The following GATA2 variants were observed in gnomAD, a reference collection of about 807,000 sequenced individuals.
The protein encoded by GATA2 is GATA binding protein 2, also known as endothelial transcription factor GATA-2.
GATA2 carries 6 observed loss-of-function variants against 35.7 expected under a neutral mutation model. The observed-to-expected ratio is 0.17, with a 90% CI of 0.09 to 0.33. The LOEUF (loss-of-function observed/expected upper bound fraction) is 0.33, where lower values mean the gene tolerates loss of function less well. Ranked by LOEUF, GATA2 falls within the 10% of genes least tolerant of loss-of-function variation. The pLI is 1.00. For missense variants in GATA2, 541 were observed against 656.6 expected, an observed-to-expected ratio of 0.82 and a Z score of 1.92; for synonymous variants, 313 against 274.9, an observed-to-expected ratio of 1.14 and a Z score of -1.37.
At chr3:128,487,158 C>A in intron 1 of GATA2, 82 bp from the exon 2 acceptor site, 1 of 748,558 alleles carries the variant, frequency 1.3e-6, no homozygotes, top group Non-Finnish European at 2.1e-6. Context: ...CCGCACGCCA[C>A]GGAGCCCCAG....
rs2068611243 is a variant in GATA2, at chr3:128,480,516, A to G, written c.*503T>C. The stretch of plus-strand genomic sequence containing the variant: ...GCTCAGCCCAGCCTGGAGTTCGGCT[A>G]TTTCAGAGAGGGAAGCCAGAGGAGA... On this transcript the variant is annotated 3_prime_UTR_variant, in exon 6 of 6. Coordinates refer to ENST00000341105, the MANE Select transcript of GATA2 (RefSeq NM_032638.5). The G allele has an allele frequency of 1.2e-5, 3 of 243,290 alleles. No individual in the cohort carries two copies. Among genetic ancestry groups the G allele is most frequent in the East Asian group, 5.8e-5 (1 of 17,316 alleles). 15.1% of individuals were successfully genotyped at this position (243,290 alleles called of 1,614,324 possible).
intron 2 of GATA2, 59 bp downstream of exon 2, chr3:128,486,744 C>G: frequency 1.4e-6 from 2 of 1,480,650 alleles, no homozygotes; most frequent in Non-Finnish European, 1.8e-6. Context: ...GGGCCCTCCT[C>G]CCCTCCCTCG....
At chr3:128,486,682 AT>A in intron 2 of GATA2, 120 bp downstream of exon 2, 1 of 1,107,000 alleles carries the variant, frequency 9.0e-7, no homozygotes, top group Non-Finnish European at 1.3e-6. Flanking sequence ...TCCCGCCCCA[AT>A]TTTTCAGCAG....
In GATA2 at chr3:128,483,334, G is replaced by T. The variant is rs1051590739; in HGVS notation, c.1017+526C>A. 2.6e-5 allele frequency among the ~76,000 whole-genome samples: 4 copies of T among 152,100 alleles called. No homozygotes were observed. Among genetic ancestry groups the T allele is most frequent in the African/African-American group, 7.2e-5 (3 of 41,412 alleles). On this transcript the variant is annotated intron_variant, in intron 4 of 5. Transcript: ENST00000341105. The stretch of plus-strand genomic sequence containing the variant: ...CCTTATCTTCAGGCTGCAGATGTCC[G>T]GATAGGAAACTCCGGCAGGAGATCC...
At chr3:128,485,348 G>A (rs1203771213) in intron 3 of GATA2, among the ~76,000 whole-genome samples, 2 of 152,056 alleles carry the variant, frequency 1.3e-5, no homozygotes, top group Non-Finnish European at 2.9e-5. Context: ...ATGCACACAC[G>A]CTCCCAAACA....
At chr3:128,485,384 C>G (rs190981302) in intron 3 of GATA2, among the ~76,000 whole-genome samples, 1 of 152,130 alleles carries the variant, frequency 6.6e-6, no homozygotes, top group Non-Finnish European at 1.5e-5. Context: ...TCACTTCCCT[C>G]GCTTCACATA....
rs2107673691 is a variant in GATA2, at chr3:128,486,975, C to A, written c.57G>T (p.Ala19=). The A allele has an allele frequency of 1.2e-6, 2 of 1,610,586 alleles. No individual in the cohort carries two copies. The highest frequency in any genetic ancestry group is 1.7e-6 in the Non-Finnish European group (2 of 1,178,528). ...RWMAHPAVLN[A]QHPDSHHPGL... ...CCGGGTGGTGTGAGTCGGGGTGCTG[C>A]GCATTCAGCACGGCCGGGTGCGCCA... The change falls in exon 2 of 6, where the codon GCG becomes GCT. Residue 19 remains alanine (A), a synonymous_variant. Transcript: ENST00000341105.
chr3:128,490,543 G>A (rs1210489359), intron 1 of GATA2: 4 of 152,246 alleles, frequency 2.6e-5, no homozygotes, highest in African/African-American at 9.6e-5. Context: ...CGTAGGATGC[G>A]GGACTGCTGC....
At chr3:128,484,946 C>T (rs1484512859) in intron 3 of GATA2, among the ~76,000 whole-genome samples, 1 of 152,202 alleles carries the variant, frequency 6.6e-6, no homozygotes, top group Admixed American at 6.5e-5. Context: ...TAAAAACCTT[C>T]CCCCTCTGTG....
intron 1 of GATA2, chr3:128,489,291 G>A (rs2068745310): frequency 6.6e-6 from 1 of 152,346 alleles, no homozygotes. Flanking sequence ...CAGCTCCGCG[G>A]GCGCGCCCCC....
chr3:128,482,679 T>TA (rs911662917), intron 4 of GATA2, among the ~76,000 whole-genome samples: 11 of 152,074 alleles, frequency 7.2e-5, no homozygotes, highest in Non-Finnish European at 1.5e-4. Flanking sequence ...CTTAGAGCTT[T>TA]AACCACCCCG....
chr3:128,481,796 T>C (rs769094246), intron 5 of GATA2, 23 bp downstream of exon 5: 1 of 1,597,154 alleles, frequency 6.3e-7, no homozygotes, highest in Admixed American at 1.7e-5. Flanking sequence ...AGGGGCGGGG[T>C]GGCCGGGGCG....
intron 1 of GATA2, among the ~76,000 whole-genome samples, chr3:128,487,525 C>T (rs2068719199): frequency 6.6e-6 from 1 of 152,158 alleles, no homozygotes; most frequent in Non-Finnish European, 1.5e-5. Context: ...ACATACTGAT[C>T]TCAACCCCGA....
chr3:128,491,435 C>T (rs986098563), intron 1 of GATA2, among the ~76,000 whole-genome samples: 2 of 152,166 alleles, frequency 1.3e-5, no homozygotes, highest in African/African-American at 4.8e-5. Context: ...GCCTCCCAGC[C>T]CCACACTGGC....
At position 128,481,813 on chromosome 3, in the gene GATA2, A is replaced by G; in HGVS notation, c.1143+6T>C. The G allele has an allele frequency of 6.2e-7, 1 of 1,612,332 alleles. No homozygotes were observed. The highest frequency in any genetic ancestry group is 8.5e-7 in the Non-Finnish European group (1 of 1,179,036). On this transcript the variant is annotated splice_donor_region_variant and intron_variant, in intron 5 of 5. Coordinates refer to ENST00000341105, the MANE Select transcript of GATA2 (RefSeq NM_032638.5). ...GGGCGGGGTGGCCGGGGCGGGGCGC[A>G]CTCACATTGTGCAGCTTGTAGTAGA... is the stretch of plus-strand genomic sequence containing the variant.
intron 2 of GATA2, 87 bp from the exon 3 acceptor site, chr3:128,486,455 C>T: frequency 1.3e-6 from 2 of 1,492,672 alleles, no homozygotes; most frequent in Non-Finnish European, 1.8e-6. Context: ...ATTGAGATCA[C>T]GACTCCCAGA....
intron 3 of GATA2, 41 bp from the exon 4 acceptor site, chr3:128,484,046 G>A (rs186952539): frequency 6.9e-6 from 11 of 1,603,706 alleles, no homozygotes; most frequent in Admixed American, 5.0e-5. Context: ...CTGCTTAACC[G>A]GCAAGTTCTC....
In GATA2 at chr3:128,479,909, C is replaced by A. The variant is rs539947011; in HGVS notation, c.*1110G>T. 1.7e-5 allele frequency: 4 copies of A among 232,862 alleles called. No homozygotes were observed. The highest frequency in any genetic ancestry group is 3.6e-4 in the South Asian group (2 of 5,528). The allele number at this position is 232,862 out of a possible 1,614,324, so 14.4% of individuals were successfully genotyped here. A position where few individuals can be genotyped will look rare whatever the true frequency, so the allele number is the denominator to read the frequency against. On this transcript the variant is annotated 3_prime_UTR_variant, in exon 6 of 6. Transcript: ENST00000341105. ...ACCTGCCCCCAACTCCTGCCTTCACCCCCTGCCAGGCCAGCAAATGCCAAC... is the reference window on the plus strand; with the variant it reads ...ACCTGCCCCCAACTCCTGCCTTCACACCCTGCCAGGCCAGCAAATGCCAAC...
chr3:128,485,245 A>AT (rs377401729), intron 3 of GATA2, among the ~76,000 whole-genome samples: 1 of 152,302 alleles, frequency 6.6e-6, no homozygotes, highest in African/African-American at 2.4e-5. Flanking sequence ...GATCAGACTG[A>AT]TTGAGTTAGA....
Sources: allele counts gnomAD v4.1 joint callset (sites outside exome capture counted in the v4.1 genomes callset), GRCh38; gene constraint gnomAD v4.1.1; transcripts MANE v1.5; gene names NCBI Gene and HGNC (gene_info 2026-07-23, HGNC 2026-07-21).